The following GRM5 variants were observed in gnomAD, a reference collection of about 807,000 sequenced individuals.
GRM5 encodes the protein glutamate metabotropic receptor 5.
GRM5 carries 19 observed loss-of-function variants against 83.1 expected under a neutral mutation model. That is an observed-to-expected ratio of 0.23 (90% CI 0.16 to 0.34). GRM5 has a LOEUF of 0.34. GRM5 is among the 10% of genes least tolerant of loss of function. The pLI, the probability that GRM5 is intolerant of heterozygous loss-of-function variation, is 1.00. For missense variants in GRM5, 1,160 were observed against 1,588.3 expected (o/e 0.73, Z 4.58); for synonymous variants, 675 against 633.6 (o/e 1.07, Z -0.98).
chr11:88,857,901 T>C (rs1352405715), intron 2 of GRM5, among the ~76,000 whole-genome samples: 2 of 152,086 alleles, frequency 1.3e-5, no homozygotes, highest in Non-Finnish European at 2.9e-5. Flanking sequence ...TTTAGGAACC[T>C]GGACATATGA....
At chr11:88,944,577 A>T (rs187216161) in intron 2 of GRM5, among the ~76,000 whole-genome samples, 110 of 152,000 alleles carry the variant, frequency 7.2e-4, no homozygotes, top group South Asian at 1.5e-3. Context: ...AATTTTATTA[A>T]CTATAATTCT....
At chr11:88,788,992 G>C (rs372722288) in intron 3 of GRM5, among the ~76,000 whole-genome samples, 2 of 152,164 alleles carry the variant, frequency 1.3e-5, no homozygotes, top group African/African-American at 4.8e-5. Context: ...TCCTCTTGGG[G>C]AATGTATTCT....
At chr11:88,974,182 C>G (rs559456636) in intron 2 of GRM5, among the ~76,000 whole-genome samples, 3 of 152,184 alleles carry the variant, frequency 2.0e-5, no homozygotes, top group Admixed American at 2.0e-4. Context: ...ATCAAGAAAG[C>G]AGATGTTGTT....
chr11:88,956,769 G>A (rs1482433174), intron 2 of GRM5, among the ~76,000 whole-genome samples: 6 of 152,218 alleles, frequency 3.9e-5, no homozygotes, highest in African/African-American at 1.2e-4. Flanking sequence ...TTGCGCCACT[G>A]CAGTCCGGCC....
chr11:88,554,533 G>C (rs1942581835), intron 8 of GRM5, among the ~76,000 whole-genome samples: 1 of 152,138 alleles, frequency 6.6e-6, no homozygotes, highest in Non-Finnish European at 1.5e-5. Flanking sequence ...GATGTAATAA[G>C]ATTTTTTTGT....
At chr11:89,064,996 G>A (rs1294570236) in intron 1 of GRM5, among the ~76,000 whole-genome samples, 1 of 147,036 alleles carries the variant, frequency 6.8e-6, no homozygotes, top group Admixed American at 6.8e-5. Context: ...GAGTAAACAT[G>A]TCTTCCAAGC....
At chr11:88,861,946 G>A (rs1244359116) in intron 2 of GRM5, among the ~76,000 whole-genome samples, 1 of 152,112 alleles carries the variant, frequency 6.6e-6, no homozygotes, top group African/African-American at 2.4e-5. Context: ...TATCTCAAGG[G>A]CCTAGGCAAC....
chr11:89,041,649 T>C (rs1262108834), intron 2 of GRM5, among the ~76,000 whole-genome samples: 2 of 152,220 alleles, frequency 1.3e-5, no homozygotes, highest in Admixed American at 6.5e-5. Context: ...GGAATGCCCC[T>C]CTAAACGCTC....
At chr11:88,880,957 G>T (rs1380808805) in intron 2 of GRM5, among the ~76,000 whole-genome samples, 1 of 151,904 alleles carries the variant, frequency 6.6e-6, no homozygotes, top group Non-Finnish European at 1.5e-5. Flanking sequence ...AGTTAATATA[G>T]GTCAAGAAGG....
intron 8 of GRM5, among the ~76,000 whole-genome samples, chr11:88,533,181 C>T (rs1480095141): frequency 6.6e-6 from 1 of 152,132 alleles, no homozygotes; most frequent in African/African-American, 2.4e-5. Flanking sequence ...TTACAAATCC[C>T]TACACTTACC....
chr11:88,807,232 A>C (rs1943513478), intron 3 of GRM5, among the ~76,000 whole-genome samples: 1 of 152,154 alleles, frequency 6.6e-6, no homozygotes, highest in African/African-American at 2.4e-5. Flanking sequence ...ATTTCAAAAA[A>C]TGTTTAAAAG....
At chr11:88,698,102 A>G (rs190579243) in intron 3 of GRM5, among the ~76,000 whole-genome samples, 13 of 152,290 alleles carry the variant, frequency 8.5e-5, no homozygotes, top group Admixed American at 3.3e-4. Flanking sequence ...CTGCCAATCC[A>G]TTCTCCACAG....
chr11:88,860,497 A>G (rs1310436044), intron 2 of GRM5, among the ~76,000 whole-genome samples: 2 of 152,184 alleles, frequency 1.3e-5, no homozygotes, highest in African/African-American at 4.8e-5. Context: ...CCTTGATTCT[A>G]ACTGGATCTA....
chr11:88,607,121 T>C (rs1322446232), intron 4 of GRM5, among the ~76,000 whole-genome samples: 1 of 152,052 alleles, frequency 6.6e-6, no homozygotes, highest in Non-Finnish European at 1.5e-5. Context: ...TAGTGCATTG[T>C]GACATAATAT....
chr11:88,999,475 A>C (rs1940299299), intron 2 of GRM5, among the ~76,000 whole-genome samples: 3 of 152,204 alleles, frequency 2.0e-5, no homozygotes. Flanking sequence ...CAGCCAAAAA[A>C]CACATGAAAA....
intron 3 of GRM5, among the ~76,000 whole-genome samples, chr11:88,713,670 T>TAGAA: frequency 6.6e-6 from 1 of 152,150 alleles, no homozygotes; most frequent in East Asian, 1.9e-4. Flanking sequence ...GCAGAAATCA[T>TAGAA]AGAAAGAAAA....
At chr11:88,630,015 C>T (rs1243086135) in intron 4 of GRM5, among the ~76,000 whole-genome samples, 2 of 152,150 alleles carry the variant, frequency 1.3e-5, no homozygotes, top group African/African-American at 2.4e-5. Context: ...TTACCTATGA[C>T]AGTTCCCACA....
chr11:88,589,935 C>T (rs1283202157), intron 7 of GRM5, among the ~76,000 whole-genome samples: 1 of 151,786 alleles, frequency 6.6e-6, no homozygotes, highest in Non-Finnish European at 1.5e-5. Flanking sequence ...AATTGGAAGA[C>T]AGTATGAAAG....
intron 7 of GRM5, among the ~76,000 whole-genome samples, chr11:88,582,416 C>T (rs979496572): frequency 1.3e-5 from 2 of 151,782 alleles, no homozygotes; most frequent in African/African-American, 4.9e-5. Context: ...CAGAACTTAG[C>T]ACAGTGTTAA....
Sources: gnomAD v4.1 joint callset for allele counts (sites outside exome capture counted in the v4.1 genomes callset) on GRCh38, gnomAD v4.1.1 for gene constraint, MANE v1.5 for transcripts, NCBI Gene and HGNC (gene_info 2026-07-23, HGNC 2026-07-21) for gene names.